RBFOX1: variants seen among roughly 807,000 people sequenced by gnomAD.
RBFOX1 encodes RNA binding protein fox-1 homolog 1.
RBFOX1 carries 8 observed loss-of-function variants against 57.7 expected under a neutral mutation model. That is an observed-to-expected ratio of 0.14 (90% CI 0.08 to 0.25). The LOEUF (loss-of-function observed/expected upper bound fraction) is 0.25. Ranked by LOEUF, RBFOX1 falls within the 10% of genes least tolerant of loss-of-function variation. The pLI, the probability that RBFOX1 is intolerant of heterozygous loss-of-function variation, is 1.00. For synonymous variants in RBFOX1, 326 were observed against 222.4 expected (o/e 1.47, Z -4.15); for missense variants, 611 against 548.5 (o/e 1.11, Z -1.14).
At chr16:7,520,032 C>T (rs2077193544) in intron 5 of RBFOX1, among the ~76,000 whole-genome samples, 1 of 152,066 alleles carries the variant, frequency 6.6e-6, no homozygotes, top group East Asian at 1.9e-4. Flanking sequence ...ACTACAGGCA[C>T]CCGCCACCAT....
Position 6,898,849 on chromosome 16 carries a change from ATG to A in RBFOX1, c.-15-153204_-15-153203del, listed in dbSNP as rs565056891. On this transcript the variant is annotated intron_variant, in intron 3 of 15. Transcript: ENST00000550418. Reference sequence around the variant, plus strand: ...CATGTGTGTATGTGTGTGCATGTGTATGTGTAATATATTACACACATGTACAC... The same window carrying A: ...CATGTGTGTATGTGTGTGCATGTGTATGTAATATATTACACACATGTACAC... Among the ~76,000 whole-genome samples the A allele has an allele frequency of 1.6e-3, 236 of 149,968 alleles. 1 individual carries two copies. Among genetic ancestry groups the A allele is most frequent in the Non-Finnish European group, 2.6e-3 (177 of 67,722 alleles).
At chr16:6,301,303 G>C (rs1180047384) in intron 1 of RBFOX1, among the ~76,000 whole-genome samples, 2 of 152,136 alleles carry the variant, frequency 1.3e-5, no homozygotes, top group African/African-American at 4.8e-5. Context: ...GTAGACTATG[G>C]CTAGAAATTA....
At chr16:5,854,334 A>G (rs1451954832) in intron 3 of RBFOX1, among the ~76,000 whole-genome samples, 3 of 152,106 alleles carry the variant, frequency 2.0e-5, no homozygotes, top group South Asian at 2.1e-4. Flanking sequence ...ACATCTCCCT[A>G]TTTCTTCTCA....
chr16:5,887,062 C>T (rs1012197218), intron 4 of RBFOX1, among the ~76,000 whole-genome samples: 3 of 152,130 alleles, frequency 2.0e-5, no homozygotes, highest in Non-Finnish European at 4.4e-5. Flanking sequence ...CCCTAGATGT[C>T]GGTAGCATTT....
At chr16:6,505,742 G>T (rs924032252) in intron 2 of RBFOX1, among the ~76,000 whole-genome samples, 3 of 152,216 alleles carry the variant, frequency 2.0e-5, no homozygotes, top group Admixed American at 2.0e-4. Context: ...AGAGTCTAAT[G>T]AAGGAGAAAT....
intron 4 of RBFOX1, among the ~76,000 whole-genome samples, chr16:7,211,601 GA>G: frequency 6.6e-6 from 1 of 152,146 alleles, no homozygotes; most frequent in South Asian, 2.1e-4. Flanking sequence ...AAGAGTTGTT[GA>G]AATCTAGAGG....
At chr16:6,839,058 C>G (rs2093308990) in intron 3 of RBFOX1, among the ~76,000 whole-genome samples, 1 of 151,800 alleles carries the variant, frequency 6.6e-6, no homozygotes, top group Non-Finnish European at 1.5e-5. Context: ...GATCTTGGCT[C>G]CCTGTAACCT....
chr16:7,583,148 CTTTT>C (rs34658435), intron 6 of RBFOX1, among the ~76,000 whole-genome samples: 12 of 132,386 alleles, frequency 9.1e-5, no homozygotes, highest in African/African-American at 3.3e-4. Flanking sequence ...TCTAGCTCAT[CTTTT>C]TTTTTTTTTT....
intron 4 of RBFOX1, among the ~76,000 whole-genome samples, chr16:7,134,129 C>T (rs1024745511): frequency 3.3e-5 from 5 of 152,004 alleles, no homozygotes; most frequent in South Asian, 2.1e-4. Flanking sequence ...AATACAATAG[C>T]GATCATAAAA....
At chr16:7,145,258 G>T (rs548556922) in intron 4 of RBFOX1, among the ~76,000 whole-genome samples, 2 of 152,262 alleles carry the variant, frequency 1.3e-5, no homozygotes, top group African/African-American at 4.8e-5. Flanking sequence ...AGGCTGGAGT[G>T]CAGTGGCGCA....
At chr16:5,545,080 G>A (rs1465709363) in intron 2 of RBFOX1, among the ~76,000 whole-genome samples, 2 of 149,328 alleles carry the variant, frequency 1.3e-5, no homozygotes, top group African/African-American at 5.0e-5. Flanking sequence ...GGGTTCAAGT[G>A]ATTCTTCTGC....
intron 4 of RBFOX1, among the ~76,000 whole-genome samples, chr16:7,338,158 G>A (rs2096828311): frequency 6.6e-6 from 1 of 152,184 alleles, no homozygotes; most frequent in Admixed American, 6.5e-5. Flanking sequence ...CATCACCGAT[G>A]TATTTAGCCC....
intron 4 of RBFOX1, among the ~76,000 whole-genome samples, chr16:5,938,245 C>G (rs2059206836): frequency 1.3e-5 from 2 of 152,152 alleles, no homozygotes; most frequent in Non-Finnish European, 2.9e-5. Context: ...TTGTAGCCAG[C>G]TTTCTGGAAA....
intron 10 of RBFOX1, among the ~76,000 whole-genome samples, chr16:7,612,159 A>G (rs1398363325): frequency 6.6e-6 from 1 of 151,772 alleles, no homozygotes; most frequent in Non-Finnish European, 1.5e-5. Flanking sequence ...GTCTCTACTA[A>G]AAATACAAAA....
intron 1 of RBFOX1, among the ~76,000 whole-genome samples, chr16:6,034,770 G>A (rs373223206): frequency 3.3e-5 from 5 of 151,978 alleles, no homozygotes; most frequent in South Asian, 2.1e-4. Flanking sequence ...TTAATTCCAC[G>A]TTCACATCTT....
Position 7,463,446 on chromosome 16 carries a change from G to A in RBFOX1, c.28-54701G>A, listed in dbSNP as rs116967801. 1.1e-3 allele frequency among the ~76,000 whole-genome samples: 163 copies of A among 152,340 alleles called. 7 individuals carry two copies. The East Asian group carries it at 0.03, about 28-fold the overall frequency. ...TTGAACCCGGGACGTAGGGGTTGCA[G>A]TGAGCCAAGATTGCGTCACTGCGTT... On this transcript the variant is annotated intron_variant, in intron 4 of 15. Coordinates refer to ENST00000550418, the MANE Select transcript of RBFOX1 (RefSeq NM_018723.4).
At chr16:5,281,297 A>G (rs1207937252) in intron 1 of RBFOX1, among the ~76,000 whole-genome samples, 1 of 152,188 alleles carries the variant, frequency 6.6e-6, no homozygotes, top group Non-Finnish European at 1.5e-5. Context: ...AAGATAATTT[A>G]TGATTTTAAT....
At chr16:7,615,463 G>C (rs545558626) in intron 10 of RBFOX1, among the ~76,000 whole-genome samples, 12 of 152,178 alleles carry the variant, frequency 7.9e-5, no homozygotes, top group Non-Finnish European at 4.4e-5. Context: ...GAGAAGTATT[G>C]TTACCTTCGA....
At chr16:5,711,975 G>A (rs2051503606) in intron 3 of RBFOX1, among the ~76,000 whole-genome samples, 1 of 152,184 alleles carries the variant, frequency 6.6e-6, no homozygotes, top group Non-Finnish European at 1.5e-5. Flanking sequence ...ACATGAAAGA[G>A]GTTTAATTGA....
Sources: gnomAD v4.1 joint callset for allele counts (sites outside exome capture counted in the v4.1 genomes callset) on GRCh38, gnomAD v4.1.1 for gene constraint, MANE v1.5 for transcripts, NCBI Gene and HGNC (gene_info 2026-07-23, HGNC 2026-07-21) for gene names.